The following ZC3HAV1 variants were observed in gnomAD, a reference collection of about 807,000 sequenced individuals.
ZC3HAV1 encodes zinc finger CCCH-type antiviral protein 1.
ZC3HAV1 carries 41 observed loss-of-function variants against 86.6 expected under a neutral mutation model. The ratio of observed to expected loss-of-function variants is 0.47; its 90% CI spans 0.37 to 0.61. The LOEUF is 0.61. Among genes scored for constraint, ZC3HAV1 ranks in the 20% least tolerant of loss-of-function variants. The probability of loss-of-function intolerance (pLI) is 0.00; values close to 1 mark genes in which losing one functional copy is unlikely to be tolerated. For missense variants in ZC3HAV1, 964 were observed against 1,141.1 expected (o/e 0.84, Z 2.24); for synonymous variants, 421 against 432.1 (o/e 0.97, Z 0.32).
At chr7:139,053,615 C>T (rs1235795198) in intron 11 of ZC3HAV1, 34 bp from the exon 12 acceptor site, 2 of 1,542,484 alleles carry the variant, frequency 1.3e-6, no homozygotes, top group Admixed American at 2.1e-5. Flanking sequence ...AACACGGAGA[C>T]ATCCCCTTCC....
At chr7:139,063,027 C>CAAAAAAAAAAAAAAAAAAAAAAAAAAAAA (rs58859916) in intron 8 of ZC3HAV1, among the ~76,000 whole-genome samples, 3 of 68,100 alleles carry the variant, frequency 4.4e-5, no homozygotes, top group Non-Finnish European at 5.6e-5. Context: ...GACTCTGTCT[C>CAAAAAAAAAAAAAAAAAAAAAAAAAAAAA]AAAAAAAAAA....
intron 7 of ZC3HAV1, 136 bp from the exon 8 acceptor site, chr7:139,065,135 G>C: frequency 8.6e-7 from 1 of 1,158,948 alleles, no homozygotes; most frequent in Non-Finnish European, 1.2e-6. Flanking sequence ...AAAGCTTCCA[G>C]CTCAGGGCTA....
chr7:139,100,466 G>A (rs928833222), intron 1 of ZC3HAV1, among the ~76,000 whole-genome samples: 4 of 151,992 alleles, frequency 2.6e-5, no homozygotes, highest in Admixed American at 6.5e-5. Context: ...CCCAGGAGGC[G>A]GAGACTGCAC....
intron 8 of ZC3HAV1, among the ~76,000 whole-genome samples, chr7:139,062,362 T>C (rs1374768013): frequency 1.3e-5 from 2 of 152,172 alleles, no homozygotes; most frequent in South Asian, 2.1e-4. Flanking sequence ...CATCTACCTG[T>C]TCTGTGAAAC....
intron 1 of ZC3HAV1, among the ~76,000 whole-genome samples, chr7:139,097,423 TATATA>T (rs1371700258): frequency 5.9e-5 from 5 of 85,000 alleles, no homozygotes; most frequent in Admixed American, 1.2e-4. Context: ...TATATATATA[TATATA>T]TTTTTTTTTT....
chr7:139,087,826 C>T lies in ZC3HAV1; in HGVS notation c.444+1798G>A, dbSNP rs113588782. On this transcript the variant is annotated intron_variant, in intron 2 of 12. Transcript: ENST00000242351. ...GGAGGATCACTTGAGCTCAGGAGTT[C>T]GAGACCAGCCTGGTCAACATAGTGA... 4.6e-3 allele frequency among the ~76,000 whole-genome samples: 695 copies of T among 151,766 alleles called. 4 individuals are homozygous for T. The highest frequency in any genetic ancestry group is 0.016 in the African/African-American group (662 of 41,364).
intron 7 of ZC3HAV1, among the ~76,000 whole-genome samples, chr7:139,067,714 T>G (rs897719951): frequency 2.0e-5 from 3 of 152,204 alleles, no homozygotes; most frequent in African/African-American, 7.2e-5. Context: ...ACTCTATAAA[T>G]TTATATACAA....
At position 139,047,269 on chromosome 7, in the gene ZC3HAV1, C is replaced by A. The variant is rs1279166774; in HGVS notation, c.*325G>T. 1 of 270,240 alleles carries A rather than the reference C, an allele frequency of 3.7e-6. No individual in the cohort carries two copies. Among genetic ancestry groups the A allele is most frequent in the African/African-American group, 2.5e-5 (1 of 40,624 alleles). The allele number at this position is 270,240 out of a possible 1,614,324, so 16.7% of individuals were successfully genotyped here. A position where few individuals can be genotyped will look rare whatever the true frequency, so the allele number is the denominator to read the frequency against. ...GCTTGAACCCGGGAGGCAGAGGTTGCAGTGAGCCGAGATCGCGCCACTGCA... is the reference window on the plus strand; with the variant it reads ...GCTTGAACCCGGGAGGCAGAGGTTGAAGTGAGCCGAGATCGCGCCACTGCA... On this transcript the variant is annotated 3_prime_UTR_variant, in exon 13 of 13. Transcript: ENST00000242351.
chr7:139,078,682 C>T (rs758554914), intron 4 of ZC3HAV1, 29 bp from the exon 5 acceptor site: 4 of 1,500,144 alleles, frequency 2.7e-6, no homozygotes, highest in Middle Eastern at 1.7e-4. Context: ...TGCATGTATG[C>T]TGATCTTAAT....
chr7:139,095,565 G>C (rs1006193894), intron 1 of ZC3HAV1, among the ~76,000 whole-genome samples: 3 of 152,258 alleles, frequency 2.0e-5, no homozygotes, highest in Admixed American at 2.0e-4. Flanking sequence ...CGAGGAGGAA[G>C]AGGAAAGCAC....
At position 139,089,692 on chromosome 7, in the gene ZC3HAV1, G is replaced by C. The variant is rs372806726; in HGVS notation, c.376C>G (p.Leu126Val). The C allele has an allele frequency of 9.9e-6, 16 of 1,613,012 alleles. No homozygotes were observed. Among genetic ancestry groups the C allele is most frequent in the Non-Finnish European group, 1.3e-5 (15 of 1,179,650 alleles). The part of the protein sequence containing the change: ...ENFKVLKNHE[L>V]SGLNKEELAV... ...AATTCCTCTTTGTTCAGTCCAGAGAGTTCGTGATTTTTCAGGACTTTGAAG... is the reference window on the plus strand; with the variant it reads ...AATTCCTCTTTGTTCAGTCCAGAGACTTCGTGATTTTTCAGGACTTTGAAG... Residue 126 changes from leucine to valine, a missense_variant, in exon 2 of 13, where the codon CTC becomes GTC. By Grantham distance (32) the Leu-to-Val change is conservative (BLOSUM62 1). Transcript: ENST00000242351.
At chr7:139,072,602 A>G (rs1816811589) in intron 7 of ZC3HAV1, among the ~76,000 whole-genome samples, 2 of 152,158 alleles carry the variant, frequency 1.3e-5, no homozygotes, top group Non-Finnish European at 2.9e-5. Context: ...CCTATGAGTT[A>G]AAGGGAGGAA....
chr7:139,095,133 C>G (rs940401312), intron 1 of ZC3HAV1, among the ~76,000 whole-genome samples: 7 of 151,982 alleles, frequency 4.6e-5, no homozygotes, highest in African/African-American at 1.7e-4. Context: ...ATGATATAAG[C>G]CAGGTAAAAA....
chr7:139,099,999 AAAAC>A (rs1308534499), intron 1 of ZC3HAV1, among the ~76,000 whole-genome samples: 6 of 152,042 alleles, frequency 3.9e-5, no homozygotes, highest in African/African-American at 1.2e-4. Context: ...AAAATGGTAA[AAAAC>A]AAACAAAAAA....
chr7:139,099,141 G>A (rs145298924), intron 1 of ZC3HAV1, among the ~76,000 whole-genome samples: 248 of 152,062 alleles, frequency 1.6e-3, no homozygotes, highest in African/African-American at 5.4e-3. Flanking sequence ...AAAGAAAATT[G>A]CAGACACCGA....
chr7:139,062,252 A>C (rs1816463725), intron 8 of ZC3HAV1, among the ~76,000 whole-genome samples: 1 of 151,666 alleles, frequency 6.6e-6, no homozygotes, highest in Admixed American at 6.6e-5. Flanking sequence ...CACACACACA[A>C]AGCAAATCAG....
intron 1 of ZC3HAV1, among the ~76,000 whole-genome samples, chr7:139,095,242 G>A (rs1044496080): frequency 6.6e-6 from 1 of 152,142 alleles, no homozygotes; most frequent in African/African-American, 2.4e-5. Context: ...TTATTTTAAA[G>A]CCACGAGGCT....
At chr7:139,082,074 G>A (rs1156972124) in intron 3 of ZC3HAV1, among the ~76,000 whole-genome samples, 1 of 152,118 alleles carries the variant, frequency 6.6e-6, no homozygotes, top group Non-Finnish European at 1.5e-5. Flanking sequence ...AGACCAGCCT[G>A]GCCAACATGA....
chr7:139,054,190 A>C, intron 10 of ZC3HAV1, 95 bp from the exon 11 acceptor site: 1 of 1,275,736 alleles, frequency 7.8e-7, no homozygotes, highest in Non-Finnish European at 1.0e-6. Flanking sequence ...AAGTATTGTT[A>C]CCAGGGTTCT....
Sources: gnomAD v4.1 joint callset for allele counts (sites outside exome capture counted in the v4.1 genomes callset) on GRCh38, gnomAD v4.1.1 for gene constraint, MANE v1.5 for transcripts, NCBI Gene and HGNC (gene_info 2026-07-23, HGNC 2026-07-21) for gene names.